PKHD1: variants seen among roughly 807,000 people sequenced by gnomAD.
PKHD1 encodes the protein PKHD1 ciliary IPT domain containing fibrocystin/polyductin.
PKHD1 carries 291 observed loss-of-function variants against 412.0 expected under a neutral mutation model. The ratio of observed to expected loss-of-function variants is 0.71; its 90% CI spans 0.64 to 0.78. PKHD1 has a LOEUF of 0.78. PKHD1 is among the 30% of genes least tolerant of loss of function. The pLI is 0.00. For synonymous variants in PKHD1, 1,777 were observed against 1,821.5 expected, an observed-to-expected ratio of 0.98 and a Z score of 0.62; for missense variants, 4,825 against 4,950.7, an observed-to-expected ratio of 0.97 and a Z score of 0.76.
chr6:51,853,259 T>C (rs1772650304), intron 49 of PKHD1, among the ~76,000 whole-genome samples: 1 of 152,236 alleles, frequency 6.6e-6, no homozygotes, highest in South Asian at 2.1e-4. Flanking sequence ...GCTTATAGAG[T>C]TTCTCCTGAG....
chr6:51,813,679 G>A (rs925296364), intron 52 of PKHD1, among the ~76,000 whole-genome samples: 9 of 152,046 alleles, frequency 5.9e-5, no homozygotes, highest in Non-Finnish European at 1.2e-4. Flanking sequence ...CCTTATTAAC[G>A]CAATATGATT....
chr6:51,784,392 T>C (rs1356590250), intron 53 of PKHD1, among the ~76,000 whole-genome samples: 3 of 152,154 alleles, frequency 2.0e-5, no homozygotes, highest in Admixed American at 6.6e-5. Context: ...ACAAATCAAT[T>C]ATCTCTCTGG....
chr6:52,024,060 G>C (rs1256670888), intron 32 of PKHD1, among the ~76,000 whole-genome samples: 1 of 152,150 alleles, frequency 6.6e-6, no homozygotes, highest in Non-Finnish European at 1.5e-5. Context: ...GGAGGGAAAG[G>C]CTAGGCAATT....
At chr6:51,829,109 C>A (rs1425440225) in intron 52 of PKHD1, among the ~76,000 whole-genome samples, 1 of 152,112 alleles carries the variant, frequency 6.6e-6, no homozygotes, top group Non-Finnish European at 1.5e-5. Flanking sequence ...CACAATAACA[C>A]TGAAAGGCCA....
At chr6:51,845,079 T>C (rs935719676) in intron 50 of PKHD1, among the ~76,000 whole-genome samples, 3 of 152,168 alleles carry the variant, frequency 2.0e-5, no homozygotes, top group Admixed American at 6.5e-5. Context: ...AATCAATATA[T>C]AAAATGCATG....
At position 52,024,571 on chromosome 6, in the gene PKHD1, T is replaced by C; in HGVS notation, c.5236+3A>G. On this transcript the variant is annotated splice_donor_region_variant and intron_variant, in intron 32 of 66. Transcript: ENST00000371117. Reference sequence around the variant, plus strand: ...AGTGTGCTGTCTTATTTGCTTGACTTACCGAAGTTCTCCGTCACTGCTGTA... The same window carrying C: ...AGTGTGCTGTCTTATTTGCTTGACTCACCGAAGTTCTCCGTCACTGCTGTA... The C allele has an allele frequency of 6.2e-7, 1 of 1,613,804 alleles. No homozygotes were observed. Among genetic ancestry groups the C allele is most frequent in the South Asian group, 1.1e-5 (1 of 91,064 alleles).
At chr6:51,839,597 G>A (rs1769822857) in intron 50 of PKHD1, among the ~76,000 whole-genome samples, 1 of 152,072 alleles carries the variant, frequency 6.6e-6, no homozygotes, top group African/African-American at 2.4e-5. Context: ...TGTGTCTGAA[G>A]AACTCTATCC....
chr6:51,659,325 T>A lies in PKHD1; in HGVS notation c.10801A>T (p.Met3601Leu). The A allele has an allele frequency of 6.2e-7, 1 of 1,613,886 alleles. No individual in the cohort carries two copies. The highest frequency in any genetic ancestry group is 8.5e-7 in the Non-Finnish European group (1 of 1,179,894). Residue 3601 changes from methionine to leucine, a missense_variant, in exon 61 of 67, where the codon ATG becomes TTG. Transcript: ENST00000371117. ...TTTAAGGTCTCTTCATGGCCAGGCATCTCGTGAATAAACCTGATTTGGTTT... is the reference window on the plus strand; with the variant it reads ...TTTAAGGTCTCTTCATGGCCAGGCAACTCGTGAATAAACCTGATTTGGTTT... ...GQNQIRFIHE[M>L]PGHEETLKAI...
intron 15 of PKHD1, 68 bp downstream of exon 15, chr6:52,059,860 G>A: frequency 1.2e-6 from 1 of 820,014 alleles, no homozygotes; most frequent in Non-Finnish European, 2.2e-6. Flanking sequence ...CCTTAACTTT[G>A]ATTCTTTCTT....
intron 60 of PKHD1, among the ~76,000 whole-genome samples, chr6:51,737,668 C>G (rs1374130319): frequency 1.3e-5 from 2 of 152,064 alleles, no homozygotes; most frequent in Non-Finnish European, 2.9e-5. Flanking sequence ...ACATATAACT[C>G]TATAGTGATG....
intron 46 of PKHD1, among the ~76,000 whole-genome samples, chr6:51,871,136 A>G (rs1775928558): frequency 6.6e-6 from 1 of 152,188 alleles, no homozygotes; most frequent in African/African-American, 2.4e-5. Flanking sequence ...ATAAAGTTAA[A>G]TATGCCCTTA....
At chr6:51,760,863 A>C (rs1274973446) in intron 55 of PKHD1, among the ~76,000 whole-genome samples, 1 of 152,156 alleles carries the variant, frequency 6.6e-6, no homozygotes, top group Admixed American at 6.6e-5. Flanking sequence ...CCTTGTAAAT[A>C]ACAGAGTATG....
chr6:51,668,849 T>C (rs1774353060), intron 60 of PKHD1, among the ~76,000 whole-genome samples: 1 of 152,240 alleles, frequency 6.6e-6, no homozygotes, highest in Non-Finnish European at 1.5e-5. Flanking sequence ...GGATTACATT[T>C]ATTGATTTGC....
chr6:51,994,261 G>C (rs867127482), intron 35 of PKHD1, among the ~76,000 whole-genome samples: 105 of 151,834 alleles, frequency 6.9e-4, no homozygotes, highest in African/African-American at 2.2e-3. Flanking sequence ...CAGCCTCCCG[G>C]GTAGCTGGGA....
chr6:51,647,402 G>A (rs1562016619), intron 63 of PKHD1, among the ~76,000 whole-genome samples: 1 of 152,138 alleles, frequency 6.6e-6, no homozygotes, highest in Admixed American at 6.5e-5. Flanking sequence ...CTTGGGCCTA[G>A]TAGAAATCTG....
intron 21 of PKHD1, among the ~76,000 whole-genome samples, chr6:52,051,181 C>A (rs1221391395): frequency 6.6e-6 from 1 of 152,206 alleles, no homozygotes; most frequent in Non-Finnish European, 1.5e-5. Flanking sequence ...CACAGCTCCG[C>A]TGTGTGAATT....
intron 60 of PKHD1, among the ~76,000 whole-genome samples, chr6:51,738,377 A>G (rs1194917334): frequency 6.6e-6 from 1 of 152,228 alleles, no homozygotes; most frequent in Non-Finnish European, 1.5e-5. Flanking sequence ...GTCAAAGGAC[A>G]CAGAGTTGCA....
intron 24 of PKHD1, among the ~76,000 whole-genome samples, chr6:52,045,583 T>C (rs1805673792): frequency 1.3e-5 from 2 of 152,232 alleles, no homozygotes; most frequent in Non-Finnish European, 2.9e-5. Flanking sequence ...TTAGATTATT[T>C]TTTAAGACCC....
At chr6:51,729,345 C>T (rs890071995) in intron 60 of PKHD1, among the ~76,000 whole-genome samples, 1 of 152,104 alleles carries the variant, frequency 6.6e-6, no homozygotes, top group African/African-American at 2.4e-5. Flanking sequence ...ACATAATAAC[C>T]AACTCATGTT....
Sources: allele counts gnomAD v4.1 joint callset (sites outside exome capture counted in the v4.1 genomes callset), GRCh38; gene constraint gnomAD v4.1.1; transcripts MANE v1.5; gene names NCBI Gene and HGNC (gene_info 2026-07-23, HGNC 2026-07-21).